Variants in TNNI3K observed in about 807,000 individuals in gnomAD.
The protein encoded by TNNI3K is serine/threonine-protein kinase TNNI3K.
A neutral mutation model predicts 114.5 loss-of-function variants in TNNI3K; 140 were observed. That is an observed-to-expected ratio of 1.22 (90% CI 1.07 to 1.41). TNNI3K has a LOEUF of 1.41. Ranked by LOEUF, TNNI3K falls within the 40% of genes most tolerant of loss-of-function variation. The pLI is 0.00. For synonymous variants in TNNI3K, 347 were observed against 347.5 expected (o/e 1.00, Z 0.02); for missense variants, 1,125 against 1,007.6 (o/e 1.12, Z -1.58).
At chr1:74,462,518 G>A (rs1667493064) in intron 20 of TNNI3K, among the ~76,000 whole-genome samples, 1 of 152,162 alleles carries the variant, frequency 6.6e-6, no homozygotes, top group Non-Finnish European at 1.5e-5. Context: ...ACAAAAGACT[G>A]CACCAAACAT....
chr1:74,413,482 G>A (rs1473099793), intron 17 of TNNI3K, among the ~76,000 whole-genome samples: 1 of 152,080 alleles, frequency 6.6e-6, no homozygotes, highest in Non-Finnish European at 1.5e-5. Context: ...GCCACATATT[G>A]TTCCTAAATT....
chr1:74,373,568 T>G (rs1662722840), intron 17 of TNNI3K: 1 of 151,918 alleles, frequency 6.6e-6, no homozygotes. Flanking sequence ...AAGCATTGTG[T>G]CTTACACAGA....
At chr1:74,279,219 GC>G (rs1313438655) in intron 5 of TNNI3K, among the ~76,000 whole-genome samples, 1 of 152,094 alleles carries the variant, frequency 6.6e-6, no homozygotes, top group African/African-American at 2.4e-5. Flanking sequence ...ATTGGACAAG[GC>G]CCCTACTCCA....
intron 5 of TNNI3K, among the ~76,000 whole-genome samples, chr1:74,291,715 A>C (rs1437575977): frequency 3.3e-5 from 5 of 151,478 alleles, no homozygotes; most frequent in Non-Finnish European, 5.9e-5. Context: ...GCTTTCATAT[A>C]TTAAGAATCC....
chr1:74,365,423 A>G (rs1216563244), intron 11 of TNNI3K, among the ~76,000 whole-genome samples: 1 of 152,014 alleles, frequency 6.6e-6, no homozygotes, highest in Non-Finnish European at 1.5e-5. Context: ...AGCCCCTACT[A>G]CAGACTTTTT....
chr1:74,416,636 T>C (rs1022653473), intron 17 of TNNI3K: 6 of 817,366 alleles, frequency 7.3e-6, no homozygotes, highest in East Asian at 2.5e-4. Context: ...TCCAGTGTAA[T>C]TGAAATTAGA....
At chr1:74,417,089 C>A (rs1665153583) in intron 17 of TNNI3K, among the ~76,000 whole-genome samples, 1 of 151,670 alleles carries the variant, frequency 6.6e-6, no homozygotes, top group South Asian at 2.1e-4. Context: ...ACAGAGATAT[C>A]TTTTAAAAAT....
intron 7 of TNNI3K, among the ~76,000 whole-genome samples, chr1:74,338,507 G>A (rs986537862): frequency 1.3e-5 from 2 of 150,882 alleles, no homozygotes; most frequent in South Asian, 2.1e-4. Flanking sequence ...TTCTTCCATC[G>A]ACCCCCAAGA....
intron 23 of TNNI3K, among the ~76,000 whole-genome samples, chr1:74,532,243 A>G (rs1646596761): frequency 2.0e-5 from 3 of 152,200 alleles, no homozygotes; most frequent in Non-Finnish European, 4.4e-5. Flanking sequence ...CAATTGTTGG[A>G]TAAAGGAAAG....
intron 21 of TNNI3K, among the ~76,000 whole-genome samples, chr1:74,478,253 A>G (rs1668303119): frequency 6.6e-6 from 1 of 152,192 alleles, no homozygotes. Flanking sequence ...CAATTTAACA[A>G]TTATTTGATG....
Position 74,544,116 on chromosome 1 carries a change from C to T in TNNI3K, c.*134C>T, listed in dbSNP as rs202033048. 3 of 892,270 alleles carry T rather than the reference C, an allele frequency of 3.4e-6. No homozygotes were observed. The highest frequency in any genetic ancestry group is 5.8e-5 in the East Asian group (2 of 34,298). 55.3% of individuals were successfully genotyped at this position (892,270 alleles called of 1,614,324 possible). A position where few individuals can be genotyped will look rare whatever the true frequency, so the allele number is the denominator to read the frequency against. On this transcript the variant is annotated 3_prime_UTR_variant, in exon 25 of 25. Coordinates refer to ENST00000326637, the MANE Select transcript of TNNI3K (RefSeq NM_015978.3). ...TTAAATTGGGCTTGTTTTTACTTGT[C>T]CTATTTAATTCCCCACTATTAGCAG...
At chr1:74,419,219 C>T (rs1477547631) in intron 17 of TNNI3K, among the ~76,000 whole-genome samples, 1 of 152,004 alleles carries the variant, frequency 6.6e-6, no homozygotes, top group African/African-American at 2.4e-5. Flanking sequence ...CCAATGTCTG[C>T]CTCCTTCTTT....
At chr1:74,245,689 A>C (rs1654508313) in intron 2 of TNNI3K, among the ~76,000 whole-genome samples, 2 of 152,226 alleles carry the variant, frequency 1.3e-5, no homozygotes, top group Admixed American at 1.3e-4. Context: ...TAAAATAGAA[A>C]AAGAAAAAGT....
chr1:74,343,757 G>A (rs1009066099), intron 9 of TNNI3K, among the ~76,000 whole-genome samples: 3 of 152,066 alleles, frequency 2.0e-5, no homozygotes, highest in African/African-American at 7.2e-5. Flanking sequence ...AAAGCACACT[G>A]AAGGAACAGC....
At chr1:74,250,631 T>A (rs1654868945) in intron 3 of TNNI3K, 41 bp from the exon 4 acceptor site, 1 of 1,586,294 alleles carries the variant, frequency 6.3e-7, no homozygotes, top group African/African-American at 1.4e-5. Flanking sequence ...ACTCACCCCA[T>A]CCCCACAATG....
intron 17 of TNNI3K, among the ~76,000 whole-genome samples, chr1:74,415,160 A>G (rs1368692102): frequency 6.6e-6 from 1 of 152,116 alleles, no homozygotes; most frequent in Non-Finnish European, 1.5e-5. Flanking sequence ...CCGCTCCCTC[A>G]GGTTGAAACA....
intron 9 of TNNI3K, among the ~76,000 whole-genome samples, chr1:74,351,489 A>G (rs1306770145): frequency 7.2e-5 from 11 of 151,840 alleles, no homozygotes; most frequent in Non-Finnish European, 1.6e-4. Flanking sequence ...CGTTCTCTGT[A>G]TTTCCTGAAT....
rs201074684 is a variant in TNNI3K at position 74,250,699 on chromosome 1, T to C, written c.263T>C (p.Met88Thr). 40 of 1,612,308 alleles carry C rather than the reference T, an allele frequency of 2.5e-5. No individual in the cohort carries two copies. Among genetic ancestry groups the C allele is most frequent in the Non-Finnish European group, 3.1e-5 (37 of 1,179,462 alleles). Residue 88 changes from methionine (M) to threonine (T), a missense_variant, in exon 4 of 25, where the codon ATG becomes ACG. Transcript: ENST00000326637. ...GGKKSHIRTL[M>T]LKGLRPSRLT... ...AAGAAATCACATATTCGAACTCTTA[T>C]GTTGAAAGGGCTCCGCCCATCTCGA...
chr1:74,274,402 A>G (rs879700465), intron 5 of TNNI3K, among the ~76,000 whole-genome samples: 9 of 151,976 alleles, frequency 5.9e-5, no homozygotes, highest in Admixed American at 1.3e-4. Flanking sequence ...TCAAGGGTCA[A>G]CTATAATTGT....
Sources: allele counts gnomAD v4.1 joint callset (sites outside exome capture counted in the v4.1 genomes callset), GRCh38; gene constraint gnomAD v4.1.1; transcripts MANE v1.5; gene names NCBI Gene and HGNC (gene_info 2026-07-23, HGNC 2026-07-21).